The following SPIN3 variants were observed in gnomAD, a reference collection of about 807,000 sequenced individuals.
SPIN3 encodes spindlin family member 3, also known as spindlin-3.
For missense variants in SPIN3, 176 were observed against 196.4 expected (o/e 0.90, Z 0.62); for synonymous variants, 74 against 74.3 (o/e 1.00, Z 0.02).
rs1376370801 is a variant in SPIN3 at position 56,994,435 on chromosome X, T to C, written c.513A>G (p.Val171=). The change falls in exon 2 of 2, where the codon GTA becomes GTG. Residue 171 remains valine, a synonymous_variant. Transcript: ENST00000374919. ...CATCTAAGAGCTGGTACATATATAA[T>C]ACAGGATCTTTCTCATAGGTAATGT... ...WFYITYEKDP[V]LYMYQLLDDY... is the part of the protein sequence containing the mutation. The C allele has an allele frequency of 1.7e-6, 2 of 1,210,119 alleles. No individual in the cohort carries two copies. Among genetic ancestry groups the C allele is most frequent in the East Asian group, 3.0e-5 (1 of 33,766 alleles).
At chrX:56,984,207 C>A in intron 3 of SPIN3, 1 of 183,976 alleles carries the variant, frequency 5.4e-6, no homozygotes. Flanking sequence ...CCATCCATTC[C>A]ATTTGCTTTC....
Position 56,993,295 on chromosome X carries a change from T to C in SPIN3, c.*876A>G, listed in dbSNP as rs1924393140. 1 of 112,022 alleles carries C rather than the reference T, an allele frequency of 8.9e-6. No homozygotes were observed. The highest frequency in any genetic ancestry group is 3.3e-5 in the African/African-American group (1 of 30,768). The allele number at this position is 112,022 out of a possible 1,213,427, so 9.2% of individuals were successfully genotyped here. On this transcript the variant is annotated 3_prime_UTR_variant, in exon 2 of 2. Transcript: ENST00000374919. Reference sequence around the variant, plus strand: ...CCCAGCCAAACCCAGCCTTTGCCTGTGACTGAGGGCTCTAGCTAGAGCCTG... The same window carrying C: ...CCCAGCCAAACCCAGCCTTTGCCTGCGACTGAGGGCTCTAGCTAGAGCCTG...
In SPIN3 at chrX:56,992,953, G is replaced by A. The variant is rs1924383631; in HGVS notation, c.*1218C>T. 1 of 118,141 alleles carries A rather than the reference G, an allele frequency of 8.5e-6. No homozygotes were observed. The highest frequency in any genetic ancestry group is 3.2e-5 in the African/African-American group (1 of 31,010). 9.7% of individuals were successfully genotyped at this position (118,141 alleles called of 1,213,427 possible). On this transcript the variant is annotated 3_prime_UTR_variant, in exon 2 of 2. Transcript: ENST00000374919. ...TCCAAACACTAACAAAAATCTATTA[G>A]ATTTCTATCTACCAATGCCAGCACT... is the stretch of plus-strand genomic sequence containing the variant.
In SPIN3 at chrX:56,995,262, A is replaced by C. The variant is rs1385560310; in HGVS notation, c.-49T>G. 2 of 268,016 alleles carry C rather than the reference A, an allele frequency of 7.5e-6. No homozygotes were observed. The highest frequency in any genetic ancestry group is 1.2e-4 in the Admixed American group (2 of 16,767). 22.1% of individuals were successfully genotyped at this position (268,016 alleles called of 1,213,427 possible). On this transcript the variant is annotated 5_prime_UTR_variant, in exon 1 of 2. Coordinates refer to ENST00000374919, the MANE Select transcript of SPIN3 (RefSeq NM_001010862.3). The stretch of plus-strand genomic sequence containing the variant: ...CCCACCGTCCCGGATTGCGGGCCTC[A>C]AGTGCACAAATCGGACACCTCGCCG...
rs1213467717 is a variant in SPIN3 at position 56,991,188 on chromosome X, A to G, written c.*2983T>C. 8.9e-6 allele frequency: 1 copy of G among 112,374 alleles called. No individual in the cohort carries two copies. Among genetic ancestry groups the G allele is most frequent in the Non-Finnish European group, 1.9e-5 (1 of 53,349 alleles). The allele number at this position is 112,374 out of a possible 1,213,427, so 9.3% of individuals were successfully genotyped here. A position where few individuals can be genotyped will look rare whatever the true frequency, so the allele number is the denominator to read the frequency against. Reference sequence around the variant, plus strand: ...AAACTGTAAAAAAGAATCAAAATAGATACCAGCTTTATAGCTGATAGAGCT... The same window carrying G: ...AAACTGTAAAAAAGAATCAAAATAGGTACCAGCTTTATAGCTGATAGAGCT... On this transcript the variant is annotated 3_prime_UTR_variant, in exon 2 of 2. Coordinates refer to ENST00000374919, the MANE Select transcript of SPIN3 (RefSeq NM_001010862.3).
At chrX:56,989,874 A>G (rs112270941), downstream of SPIN3, among the ~76,000 whole-genome samples, 3,076 of 111,497 alleles carry the variant, frequency 0.028, 123 homozygotes, top group African/African-American at 0.095. Flanking sequence ...TGAGTTATAT[A>G]ATTATTTCAT....
chrX:56,994,987 A>G (rs774246139), intron 1 of SPIN3, 38 bp from the exon 2 acceptor site: 9 of 1,126,133 alleles, frequency 8.0e-6, no homozygotes, highest in Non-Finnish European at 1.1e-5. Flanking sequence ...GGACCGAGAA[A>G]GGAAATTAAC....
At chrX:56,980,558 A>G (rs1924094213) in intron 3 of SPIN3, 1 of 101,996 alleles carries the variant, frequency 9.8e-6, no homozygotes, top group Admixed American at 1.1e-4. Context: ...AATAAGAACT[A>G]AAAATGTATC....
chrX:56,984,647 G>C (rs1184254306), intron 2 of SPIN3, among the ~76,000 whole-genome samples: 1 of 111,035 alleles, frequency 9.0e-6, no homozygotes, highest in Non-Finnish European at 1.9e-5. Context: ...TCAGTCTCTT[G>C]TTTGTGTCTC....
Position 56,991,089 on chromosome X carries a change from T to C in SPIN3, c.*3082A>G, listed in dbSNP as rs1298810253. 8.9e-6 allele frequency: 1 copy of C among 111,837 alleles called. No homozygotes were observed. The highest frequency in any genetic ancestry group is 2.8e-4 in the East Asian group (1 of 3,575). 9.2% of individuals were successfully genotyped at this position (111,837 alleles called of 1,213,427 possible). ...GGAGGAAGAGAGACTTACTTTTTAA[T>C]AGTATACCCTTTTATACTGTTTGAC... On this transcript the variant is annotated 3_prime_UTR_variant, in exon 2 of 2. Transcript: ENST00000374919.
At chrX:56,989,290 T>C (rs1022493649), downstream of SPIN3, among the ~76,000 whole-genome samples, 4 of 111,222 alleles carry the variant, frequency 3.6e-5, no homozygotes, top group South Asian at 1.5e-3. Flanking sequence ...GACTTCAGGT[T>C]TTTCTCCTTT....
In SPIN3 at chrX:56,994,907, G is replaced by A; in HGVS notation, c.41C>T (p.Ser14Phe). Residue 14 changes from serine to phenylalanine, a missense_variant, in exon 2 of 2, where the codon TCC (serine) becomes TTC (phenylalanine). By Grantham distance (155) the Ser-to-Phe change is radical. Coordinates refer to ENST00000374919, the MANE Select transcript of SPIN3 (RefSeq NM_001010862.3). ...PFGKAAAGQR[S>F]RTGAGHGSVS... Reference sequence around the variant, plus strand: ...ACTGCCGTGGCCAGCGCCCGTCCTGGACCGCTGCCCTGCAGCTGCCTTTCC... The same window carrying A: ...ACTGCCGTGGCCAGCGCCCGTCCTGAACCGCTGCCCTGCAGCTGCCTTTCC... 1 of 1,203,961 alleles carries A rather than the reference G, an allele frequency of 8.3e-7. No homozygotes were observed.
intron 3 of SPIN3, chrX:56,979,335 G>A (rs1924068199): frequency 9.0e-6 from 1 of 110,859 alleles, no homozygotes; most frequent in South Asian, 3.8e-4. Context: ...CCAGAGTATG[G>A]TGAACCAATC....
chrX:56,979,236 GTTT>G (rs750798833), intron 3 of SPIN3: 2 of 108,024 alleles, frequency 1.9e-5, no homozygotes, highest in Non-Finnish European at 3.9e-5. Flanking sequence ...TGGCCCTGCT[GTTT>G]TTTTTTCAAG....
Position 56,994,758 on chromosome X carries a change from G to A in SPIN3, c.190C>T (p.Pro64Ser). 1 of 1,211,732 alleles carries A rather than the reference G, an allele frequency of 8.3e-7. No individual in the cohort carries two copies. Among genetic ancestry groups the A allele is most frequent in the Non-Finnish European group, 1.1e-6 (1 of 895,516 alleles). The change falls in exon 2 of 2, where the codon CCT (proline) becomes TCT (serine). Residue 64 changes from proline (P) to serine (S), a missense_variant. By Grantham distance (74) the Pro-to-Ser change is moderately conservative. Coordinates refer to ENST00000374919, the MANE Select transcript of SPIN3 (RefSeq NM_001010862.3). Reference sequence around the variant, plus strand: ...ACGGTTCCTTTCCACTGTGTTAGAGGTTCATCTCCATCTTTCCATCCGTGC... The same window carrying A: ...ACGGTTCCTTTCCACTGTGTTAGAGATTCATCTCCATCTTTCCATCCGTGC... ...IQHGWKDGDEPLTQWKGTVLD... is the reference protein window; with the variant it reads ...IQHGWKDGDESLTQWKGTVLD...
In SPIN3 at chrX:56,993,411, A is replaced by G. The variant is rs1924396897; in HGVS notation, c.*760T>C. 1 of 111,312 alleles carries G rather than the reference A, an allele frequency of 9.0e-6. No homozygotes were observed. The highest frequency in any genetic ancestry group is 3.3e-5 in the African/African-American group (1 of 30,565). The allele number at this position is 111,312 out of a possible 1,213,427, so 9.2% of individuals were successfully genotyped here. On this transcript the variant is annotated 3_prime_UTR_variant, in exon 2 of 2. Coordinates refer to ENST00000374919, the MANE Select transcript of SPIN3 (RefSeq NM_001010862.3). ...GTTAAAACCTACTCCATGTCTGCAG[A>G]TACCAGCCAGAGCTATTGGAGACAA...
chrX:56,987,134 A>AAAACAAAC (rs769138842), downstream of SPIN3, among the ~76,000 whole-genome samples: 1 of 111,779 alleles, frequency 8.9e-6, no homozygotes, highest in Non-Finnish European at 1.9e-5. Context: ...TCTGTCTCAA[A>AAAACAAAC]AAACAAACAA....
chrX:56,988,014 A>C (rs747752481), downstream of SPIN3, among the ~76,000 whole-genome samples: 35 of 112,033 alleles, frequency 3.1e-4, no homozygotes, highest in African/African-American at 1.0e-3. Context: ...CTGAGTAAAG[A>C]GTGTTACTCT....
chrX:56,984,401 G>A (rs1285931824), exon 3 of SPIN3: 13 of 318,030 alleles, frequency 4.1e-5, no homozygotes, highest in African/African-American at 2.0e-4. Context: ...TGCTCACACC[G>A]GTGGACACAT....
Sources: allele counts gnomAD v4.1 joint callset (sites outside exome capture counted in the v4.1 genomes callset), GRCh38; gene constraint gnomAD v4.1.1; transcripts MANE v1.5; gene names NCBI Gene and HGNC (gene_info 2026-07-23, HGNC 2026-07-21).